Variants in SPATA16 observed in about 807,000 individuals in gnomAD.
SPATA16 encodes spermatogenesis associated 16.
A neutral mutation model predicts 63.3 loss-of-function variants in SPATA16; 36 were observed. The ratio of observed to expected loss-of-function variants is 0.57; its 90% CI spans 0.44 to 0.75. SPATA16 has a LOEUF of 0.75. Among genes scored for constraint, SPATA16 ranks in the 30% least tolerant of loss-of-function variants. The pLI is 0.00. For synonymous variants in SPATA16, 203 were observed against 216.7 expected, an observed-to-expected ratio of 0.94 and a Z score of 0.56; for missense variants, 646 against 679.3, an observed-to-expected ratio of 0.95 and a Z score of 0.54.
chr3:173,108,917 G>T (rs925761159), intron 2 of SPATA16, among the ~76,000 whole-genome samples: 1 of 152,094 alleles, frequency 6.6e-6, no homozygotes, highest in Non-Finnish European at 1.5e-5. Context: ...TAGTGTAAGT[G>T]CAGTCTATTG....
At chr3:172,924,516 C>T (rs777151073) in intron 7 of SPATA16, among the ~76,000 whole-genome samples, 199 bp from the exon 8 acceptor site, 3 of 152,066 alleles carry the variant, frequency 2.0e-5, no homozygotes, top group African/African-American at 4.8e-5. Flanking sequence ...GCTGCCCTTT[C>T]GACACTATCA....
chr3:173,037,541 G>A lies in SPATA16; in HGVS notation c.758+11408C>T, dbSNP rs1735741613. On this transcript the variant is annotated intron_variant, in intron 3 of 10. Transcript: ENST00000351008. ...ATTTGCTAGTAAAAGCTTAATAACT[G>A]GTAATAACATAAGAACATTTCTATC... Among the ~76,000 whole-genome samples the A allele has an allele frequency of 4.6e-5, 7 of 152,102 alleles. No individual in the cohort carries two copies. The South Asian group carries it at 1.5e-3, about 32-fold the overall frequency.
At chr3:173,140,876 A>G (rs1452379483) in intron 1 of SPATA16, among the ~76,000 whole-genome samples, 2 of 152,150 alleles carry the variant, frequency 1.3e-5, no homozygotes, top group East Asian at 3.9e-4. Flanking sequence ...ACAGGGAACC[A>G]CTTTGGAACT....
At chr3:173,098,142 G>GA (rs144406647) in intron 2 of SPATA16, among the ~76,000 whole-genome samples, 20,311 of 142,846 alleles carry the variant, frequency 0.14, 1,437 homozygotes, top group East Asian at 0.25. Context: ...TCCCAGAAGT[G>GA]AAAAAAAAAA....
At chr3:173,041,887 GGC>G (rs1402660803) in intron 3 of SPATA16, among the ~76,000 whole-genome samples, 1 of 151,930 alleles carries the variant, frequency 6.6e-6, no homozygotes, top group Non-Finnish European at 1.5e-5. Flanking sequence ...ACACCAACAT[GGC>G]GCATGTATAC....
At chr3:172,915,475 A>G (rs184887583) in intron 9 of SPATA16, among the ~76,000 whole-genome samples, 2 of 152,128 alleles carry the variant, frequency 1.3e-5, no homozygotes, top group Non-Finnish European at 2.9e-5. Context: ...TGTGAATTCA[A>G]TTCAGGGCTA....
At chr3:172,990,328 G>T (rs993711774) in intron 4 of SPATA16, among the ~76,000 whole-genome samples, 23 of 152,298 alleles carry the variant, frequency 1.5e-4, no homozygotes, top group African/African-American at 5.5e-4. Context: ...AAGTGATTTT[G>T]TTAAGTGAAG....
chr3:172,962,224 A>G (rs1399801915), intron 5 of SPATA16, among the ~76,000 whole-genome samples: 7 of 134,272 alleles, frequency 5.2e-5, no homozygotes, highest in Non-Finnish European at 3.1e-5. Flanking sequence ...ACTGCACTCC[A>G]GCCTGGGCAA....
rs534429255 is a variant in SPATA16, at chr3:172,981,226, A to G, written c.849-4174T>C. Among the ~76,000 whole-genome samples, 14 of 152,010 alleles carry G rather than the reference A, an allele frequency of 9.2e-5. No individual in the cohort carries two copies. The South Asian group carries it at 2.9e-3, about 32-fold the overall frequency. On this transcript the variant is annotated intron_variant, in intron 4 of 10. Transcript: ENST00000351008. ...ATTATCATCTGGTCCATAATCTCTCACCTGGATTACTGCAACGGCCTCCAA... is the reference window on the plus strand; with the variant it reads ...ATTATCATCTGGTCCATAATCTCTCGCCTGGATTACTGCAACGGCCTCCAA...
In SPATA16 at chr3:172,925,361, G is replaced by C; in HGVS notation, c.1213C>G (p.Leu405Val). Reference sequence around the variant, plus strand: ...GATGATTTACCTGTGAATATCGGCAGCTTCCTGCTTGATATTTTTTCCAAA... The same window carrying C: ...GATGATTTACCTGTGAATATCGGCACCTTCCTGCTTGATATTTTTTCCAAA... ...KFLEKISSRK[L>V]PIFTEHKTPF... Residue 405 changes from leucine to valine, a missense_variant, in exon 7 of 11, where the codon CTG becomes GTG. Leu to Val is a conservative substitution (Grantham distance 32, BLOSUM62 1). Transcript: ENST00000351008. The C allele has an allele frequency of 6.2e-7, 1 of 1,613,866 alleles. No homozygotes were observed. The highest frequency in any genetic ancestry group is 2.2e-5 in the East Asian group (1 of 44,844).
intron 3 of SPATA16, among the ~76,000 whole-genome samples, chr3:173,042,216 TA>T (rs1735858259): frequency 6.6e-6 from 1 of 152,146 alleles, no homozygotes; most frequent in Non-Finnish European, 1.5e-5. Context: ...GTATTTTATT[TA>T]TTAATTTATT....
intron 6 of SPATA16, among the ~76,000 whole-genome samples, chr3:172,937,401 G>A (rs189775851): frequency 2.3e-3 from 357 of 152,142 alleles, no homozygotes; most frequent in Non-Finnish European, 4.7e-3. Context: ...GAATACATAG[G>A]GTAATACAAA....
At chr3:173,033,667 T>C (rs944063982) in intron 3 of SPATA16, among the ~76,000 whole-genome samples, 6 of 152,100 alleles carry the variant, frequency 3.9e-5, no homozygotes, top group African/African-American at 1.4e-4. Flanking sequence ...CATGTTTTTT[T>C]CCATTCGCTG....
At chr3:172,902,455 C>G (rs1178802854) in intron 10 of SPATA16, among the ~76,000 whole-genome samples, 1 of 152,164 alleles carries the variant, frequency 6.6e-6, no homozygotes, top group Non-Finnish European at 1.5e-5. Flanking sequence ...GATTTTGACC[C>G]CTGTGCCTTA....
In SPATA16 at chr3:173,140,948, G is replaced by A. The variant is rs891378558; in HGVS notation, c.-19+155C>T. On this transcript the variant is annotated intron_variant, in intron 1 of 10. Transcript: ENST00000351008. Reference sequence around the variant, plus strand: ...GGTTACTTATTAGGGCTTTTTATAAGCAACATTCCTCATTCCTCGCGTGGG... The same window carrying A: ...GGTTACTTATTAGGGCTTTTTATAAACAACATTCCTCATTCCTCGCGTGGG... Among the ~76,000 whole-genome samples the A allele has an allele frequency of 1.4e-4, 22 of 152,284 alleles. No homozygotes were observed. The East Asian group carries it at 4.2e-3, about 29-fold the overall frequency.
chr3:173,052,036 C>G (rs148127123), intron 2 of SPATA16, among the ~76,000 whole-genome samples: 2 of 152,114 alleles, frequency 1.3e-5, no homozygotes, highest in Non-Finnish European at 2.9e-5. Context: ...GTCTTGAACT[C>G]CTGACCTCAG....
chr3:173,049,768 T>C (rs1281344595), intron 2 of SPATA16, among the ~76,000 whole-genome samples: 1 of 152,116 alleles, frequency 6.6e-6, no homozygotes, highest in East Asian at 1.9e-4. Context: ...CTGGGCATCA[T>C]AGATAAACTG....
At chr3:172,997,797 G>C (rs1734724272) in intron 4 of SPATA16, among the ~76,000 whole-genome samples, 1 of 151,820 alleles carries the variant, frequency 6.6e-6, no homozygotes, top group South Asian at 2.1e-4. Context: ...TCTGTGTCTA[G>C]ATTAATTATT....
chr3:173,028,018 CCTTCTTTCCTT>C (rs1560100999), intron 3 of SPATA16, among the ~76,000 whole-genome samples: 18 of 63,178 alleles, frequency 2.8e-4, no homozygotes, highest in African/African-American at 1.3e-3. Context: ...TCCCTCCCTT[CCTTCTTTCCTT>C]CCTTCCTTCC....
Sources: gnomAD v4.1 joint callset for allele counts (sites outside exome capture counted in the v4.1 genomes callset) on GRCh38, gnomAD v4.1.1 for gene constraint, MANE v1.5 for transcripts, NCBI Gene and HGNC (gene_info 2026-07-23, HGNC 2026-07-21) for gene names.